Variants in SORL1 observed in about 807,000 individuals in gnomAD.
SORL1 encodes the protein sortilin related receptor 1.
A neutral mutation model predicts 273.7 loss-of-function variants in SORL1; 127 were observed. That is an observed-to-expected ratio of 0.46 (90% CI 0.40 to 0.54). The LOEUF (loss-of-function observed/expected upper bound fraction) is 0.54, where lower values mean the gene tolerates loss of function less well. SORL1 is among the 20% of genes least tolerant of loss of function. The pLI is 0.00. For synonymous variants in SORL1, 1,031 were observed against 1,067.4 expected, an observed-to-expected ratio of 0.97 and a Z score of 0.66; for missense variants, 2,494 against 2,846.1, an observed-to-expected ratio of 0.88 and a Z score of 2.81.
rs573393778 is a variant in SORL1 at position 121,594,189 on chromosome 11, T to G, written c.4370-1434T>G. ...AGAATCTTCCCTTTGGCACCAGTGTTTTAAAATTTCACAATGATGTGCTTT... is the reference window on the plus strand; with the variant it reads ...AGAATCTTCCCTTTGGCACCAGTGTGTTAAAATTTCACAATGATGTGCTTT... On this transcript the variant is annotated intron_variant, in intron 31 of 47. Coordinates refer to ENST00000260197, the MANE Select transcript of SORL1 (RefSeq NM_003105.6). Among the ~76,000 whole-genome samples the G allele has an allele frequency of 2.6e-5, 4 of 152,312 alleles. No individual in the cohort carries two copies. In the South Asian group the frequency reaches 8.3e-4, roughly 32 times the overall value.
intron 26 of SORL1, among the ~76,000 whole-genome samples, chr11:121,585,725 C>A (rs1378901950): frequency 1.3e-5 from 2 of 152,154 alleles, no homozygotes; most frequent in Non-Finnish European, 2.9e-5. Flanking sequence ...TGTCCTATTT[C>A]ATACCCATAA....
rs764615209 is a variant in SORL1 at position 121,513,097 on chromosome 11, C to T, written c.1034C>T (p.Pro345Leu). ...GCAGCCCAGTTTGTCACAAGACATC[C>T]TATTAATGTGAGTGGGGTCTGCTTG... ...MRAAQFVTRH[P>L]INEYYIADAS... The change falls in exon 7 of 48, where the codon CCT (proline) becomes CTT (leucine). Residue 345 changes from proline (P) to leucine (L), a missense_variant. By Grantham distance (98) the Pro-to-Leu change is moderately conservative (BLOSUM62 -3). Transcript: ENST00000260197. The T allele has an allele frequency of 1.9e-5, 31 of 1,608,314 alleles. No homozygotes were observed. Among genetic ancestry groups the T allele is most frequent in the Non-Finnish European group, 2.6e-5 (31 of 1,174,788 alleles).
At position 121,595,759 on chromosome 11, in the gene SORL1, C is replaced by T. The variant is rs572751652; in HGVS notation, c.4506C>T (p.Asp1502=). The change falls in exon 32 of 48, where the codon GAC becomes GAT. Residue 1502 remains aspartate, a synonymous_variant. Transcript: ENST00000260197. This position sits in a 1 kb window ranked among gnomAD's most constrained non-coding sequence, Gnocchi z 5.1. ...DGHQDCQDGR[D]EANCPTHSTL... The stretch of plus-strand genomic sequence containing the variant: ...ACCAAGATTGCCAGGATGGCCGGGA[C>T]GAGGCCAATTGCCGTGAGTAGTCAG... The T allele has an allele frequency of 1.2e-5, 19 of 1,613,072 alleles. No individual in the cohort carries two copies. Among genetic ancestry groups the T allele is most frequent in the African/African-American group, 5.3e-5 (4 of 75,052 alleles).
intron 13 of SORL1, among the ~76,000 whole-genome samples, chr11:121,544,285 C>T (rs1238558671): frequency 1.3e-5 from 2 of 152,172 alleles, no homozygotes. Context: ...TGTTTCTTCT[C>T]ATTTCCACCC....
chr11:121,591,835 C>T (rs1863220245), intron 31 of SORL1, among the ~76,000 whole-genome samples: 1 of 152,252 alleles, frequency 6.6e-6, no homozygotes, highest in African/African-American at 2.4e-5. Context: ...ATGTTCTTTC[C>T]ATTGCTTCCT....
chr11:121,549,215 C>G (rs777876657), intron 14 of SORL1, among the ~76,000 whole-genome samples: 2 of 151,882 alleles, frequency 1.3e-5, no homozygotes, highest in East Asian at 3.9e-4. Flanking sequence ...ACATTGAACC[C>G]CTAGTCAAAT....
At chr11:121,547,920 C>G (rs187599615) in intron 14 of SORL1, among the ~76,000 whole-genome samples, 2 of 152,224 alleles carry the variant, frequency 1.3e-5, no homozygotes, top group East Asian at 3.9e-4. Context: ...TGTTTGAACA[C>G]CAGGTTATTT....
At position 121,545,237 on chromosome 11, in the gene SORL1, C is replaced by G; in HGVS notation, c.1865-6C>G. On this transcript the variant is annotated splice_polypyrimidine_tract_variant and splice_region_variant and intron_variant, in intron 13 of 47. Coordinates refer to ENST00000260197, the MANE Select transcript of SORL1 (RefSeq NM_003105.6). ...AATGCTTCGTGCTGTGTTCCTTTTT[C>G]TTTAGGAGTTCCCTGCACAGAGAAT... is the stretch of plus-strand genomic sequence containing the variant. 6.2e-7 allele frequency: 1 copy of G among 1,613,898 alleles called. No individual in the cohort carries two copies. Among genetic ancestry groups the G allele is most frequent in the Non-Finnish European group, 8.5e-7 (1 of 1,179,846 alleles).
At chr11:121,505,033 A>G (rs1296500185) in intron 6 of SORL1, among the ~76,000 whole-genome samples, 3 of 152,064 alleles carry the variant, frequency 2.0e-5, no homozygotes, top group East Asian at 3.8e-4. Context: ...ACCAATGCAC[A>G]TTTTTGGAAT....
At position 121,538,221 on chromosome 11, in the gene SORL1, A is replaced by G. The variant is rs1006046116; in HGVS notation, c.1686-5327A>G. ...TGAGAGGAGGTATCATTTGCATACC[A>G]CAGGATGCTCAGATATTGACTACAC... On this transcript the variant is annotated intron_variant, in intron 12 of 47. Transcript: ENST00000260197. Among the ~76,000 whole-genome samples the G allele has an allele frequency of 2.0e-5, 3 of 149,318 alleles. No individual in the cohort carries two copies. The Admixed American group carries it at 2.0e-4, about 10-fold the overall frequency.
At chr11:121,538,839 C>T (rs1346701750) in intron 12 of SORL1, among the ~76,000 whole-genome samples, 1 of 151,972 alleles carries the variant, frequency 6.6e-6, no homozygotes, top group East Asian at 1.9e-4. Context: ...CCACCACGCC[C>T]AGCTAATTTT....
chr11:121,500,760 G>A (rs879802266), intron 6 of SORL1, among the ~76,000 whole-genome samples: 15 of 152,146 alleles, frequency 9.9e-5, no homozygotes, highest in African/African-American at 1.4e-4. Context: ...TATAGGTTAT[G>A]GGCCTCTCTA....
rs572160760 is a variant in SORL1 at position 121,462,302 on chromosome 11, G to C, written c.286-7705G>C. On this transcript the variant is annotated intron_variant, in intron 1 of 47. Transcript: ENST00000260197. ...TTTTTCAAACACAGCAAGTCTCAAG[G>C]CCCTTCTCCTTCCTGGCTTCTGCTC... Among the ~76,000 whole-genome samples the C allele has an allele frequency of 4.6e-5, 7 of 152,058 alleles. No homozygotes were observed. The East Asian group carries it at 1.4e-3, about 29-fold the overall frequency.
At chr11:121,484,907 C>A (rs1011953070) in intron 3 of SORL1, among the ~76,000 whole-genome samples, 2 of 152,152 alleles carry the variant, frequency 1.3e-5, no homozygotes, top group African/African-American at 2.4e-5. Context: ...GTGCACACCA[C>A]CATGCCCAGC....
intron 47 of SORL1, chr11:121,629,160 G>T (rs1863839169): frequency 3.3e-6 from 1 of 305,386 alleles, no homozygotes; most frequent in Non-Finnish European, 6.1e-6. Context: ...CTAGTGTAGG[G>T]TATAGATAAC....
At chr11:121,497,332 G>T (rs1236432376) in intron 6 of SORL1, among the ~76,000 whole-genome samples, 2 of 152,182 alleles carry the variant, frequency 1.3e-5, no homozygotes, top group African/African-American at 4.8e-5. Flanking sequence ...CCTTGACAAA[G>T]ACGTATTTCT....
At position 121,557,297 on chromosome 11, in the gene SORL1, C is replaced by A; in HGVS notation, c.2572-17C>A. Reference sequence around the variant, plus strand: ...GCTCCGATCCATCTCAGCCTCTTTTCCCCCTGTTTTTGTCAGGTAGCTAAT... The same window carrying A: ...GCTCCGATCCATCTCAGCCTCTTTTACCCCTGTTTTTGTCAGGTAGCTAAT... On this transcript the variant is annotated splice_polypyrimidine_tract_variant and intron_variant, in intron 18 of 47. Transcript: ENST00000260197. 1.9e-6 allele frequency: 3 copies of A among 1,592,080 alleles called. No homozygotes were observed. Among genetic ancestry groups the A allele is most frequent in the Non-Finnish European group, 2.6e-6 (3 of 1,159,984 alleles).
chr11:121,509,794 A>G (rs947705927), intron 6 of SORL1, among the ~76,000 whole-genome samples: 6 of 152,242 alleles, frequency 3.9e-5, no homozygotes, highest in Non-Finnish European at 8.8e-5. Flanking sequence ...TTTAGTTATC[A>G]GAAATGAAAA....
In SORL1 at chr11:121,549,289, CA is replaced by C. The variant is rs1862474786; in HGVS notation, c.2052-670del. 2.0e-5 allele frequency among the ~76,000 whole-genome samples: 3 copies of C among 152,156 alleles called. No individual in the cohort carries two copies. In the South Asian group the frequency reaches 6.2e-4, roughly 32 times the overall value. ...CCAGGCTGGAGTGCAGTGGCGCAAT[CA>C]CGGCTCACTACAGCCTTGACCTCCT... On this transcript the variant is annotated intron_variant, in intron 14 of 47. Transcript: ENST00000260197.
Sources: gnomAD v4.1 joint callset for allele counts (sites outside exome capture counted in the v4.1 genomes callset) on GRCh38, gnomAD v4.1.1 for gene constraint, Gnocchi (gnomAD v3.1) non-coding constraint, MANE v1.5 for transcripts, NCBI Gene and HGNC (gene_info 2026-07-23, HGNC 2026-07-21) for gene names.